MAN2B2: variants seen among roughly 807,000 people sequenced by gnomAD.
The protein encoded by MAN2B2 is epididymis-specific alpha-mannosidase.
Under a neutral mutation model 117.1 loss-of-function variants are expected in MAN2B2, and 106 were observed. The ratio of observed to expected loss-of-function variants is 0.90; its 90% CI spans 0.77 to 1.06. MAN2B2 has a LOEUF of 1.06. Among genes scored for constraint, MAN2B2 ranks in the 50% least tolerant of loss-of-function variants. The pLI, the probability that MAN2B2 is intolerant of heterozygous loss-of-function variation, is 0.00. For missense variants in MAN2B2, 1,326 were observed against 1,381.4 expected (o/e 0.96, Z 0.64); for synonymous variants, 544 against 595.1 (o/e 0.91, Z 1.25).
intron 3 of MAN2B2, among the ~76,000 whole-genome samples, chr4:6,581,242 G>A (rs1035423655): frequency 2.6e-5 from 4 of 152,106 alleles, no homozygotes; most frequent in African/African-American, 9.7e-5. Context: ...AAGGTTACTT[G>A]TGGCTGAGCC....
intron 3 of MAN2B2, among the ~76,000 whole-genome samples, chr4:6,582,594 C>T (rs1726479045): frequency 6.6e-6 from 1 of 151,932 alleles, no homozygotes; most frequent in Admixed American, 6.6e-5. Flanking sequence ...CCCACCTTGG[C>T]CTCCCAAAAT....
At chr4:6,593,150 C>A in intron 5 of MAN2B2, 23 bp from the exon 6 acceptor site, 1 of 1,610,938 alleles carries the variant, frequency 6.2e-7, no homozygotes, top group Non-Finnish European at 8.5e-7. Context: ...TGTCTTCTGC[C>A]CTAACCTTCT....
In MAN2B2 at chr4:6,621,518, CCTCTT is replaced by C; in HGVS notation, c.*236_*240del. The C allele has an allele frequency of 2.0e-6, 1 of 493,788 alleles. No individual in the cohort carries two copies. The highest frequency in any genetic ancestry group is 3.6e-6 in the Non-Finnish European group (1 of 275,758). 30.6% of individuals were successfully genotyped at this position (493,788 alleles called of 1,614,324 possible). On this transcript the variant is annotated 3_prime_UTR_variant, in exon 19 of 19. Transcript: ENST00000285599. ...CCACACTCAATCAAGCCAGCCCTCT[CCTCTT>C]CTGTCACGTAAAGGATATTTGGCAC... is the stretch of plus-strand genomic sequence containing the variant.
intron 9 of MAN2B2, among the ~76,000 whole-genome samples, chr4:6,600,070 A>T (rs945843036): frequency 1.3e-5 from 2 of 152,242 alleles, no homozygotes; most frequent in Non-Finnish European, 2.9e-5. Context: ...TGCTGGGTTC[A>T]GGGATCCAGG....
In MAN2B2 at chr4:6,609,174, CAG is replaced by C. The variant is rs1164802972; in HGVS notation, c.1883_1884del (p.Gln628ArgfsTer6). On this transcript the variant is annotated frameshift_variant, in exon 12 of 19. Transcript: ENST00000285599. LOFTEE classifies it high-confidence loss of function. Reference protein sequence around the residue: ...LEYHVNGDVKQGPISDNYLFT... With the variant: ...LEYHVNGDVKXGPISDNYLFT... ...GTACCACGTCAACGGGGATGTGAAA[CAG>C]GGCCCCATTTCCGATAACTACCTGT... 1 of 1,614,226 alleles carries C rather than the reference CAG, an allele frequency of 6.2e-7. No individual in the cohort carries two copies. Among genetic ancestry groups the C allele is most frequent in the Non-Finnish European group, 8.5e-7 (1 of 1,180,034 alleles).
At chr4:6,599,642 G>A (rs918222809) in intron 9 of MAN2B2, among the ~76,000 whole-genome samples, 5 of 145,148 alleles carry the variant, frequency 3.4e-5, no homozygotes, top group Admixed American at 7.0e-5. Flanking sequence ...CAGCCTGGGC[G>A]ACAGAGCGAG....
At chr4:6,576,453 G>T (rs1018704657) in intron 1 of MAN2B2, 125 bp from the exon 2 acceptor site, 1 of 1,122,116 alleles carries the variant, frequency 8.9e-7, no homozygotes, top group Non-Finnish European at 1.3e-6. Flanking sequence ...TGTGTGGGGG[G>T]TGAGCAGCAG....
intron 3 of MAN2B2, among the ~76,000 whole-genome samples, chr4:6,586,411 C>G (rs1395900014): frequency 6.6e-6 from 1 of 152,136 alleles, no homozygotes; most frequent in Non-Finnish European, 1.5e-5. Flanking sequence ...CACCTTTAAC[C>G]TTTTATTGTT....
chr4:6,600,732 G>A lies in MAN2B2; in HGVS notation c.1515G>A (p.Glu505=), dbSNP rs746190049. 2.5e-6 allele frequency: 4 copies of A among 1,613,644 alleles called. No homozygotes were observed. Among genetic ancestry groups the A allele is most frequent in the Admixed American group, 1.7e-5 (1 of 59,998 alleles). ...VGFPGVRVTD[E]AGHPVPSQIQ... The stretch of plus-strand genomic sequence containing the variant: ...TCCCTGGAGTCCGCGTCACAGATGA[G>A]GCGGGCCACCCAGTGCCCTCGCAGG... Residue 505 remains glutamate, a synonymous_variant, in exon 10 of 19, where the codon GAG becomes GAA. Transcript: ENST00000285599.
chr4:6,587,750 G>T lies in MAN2B2; in HGVS notation c.564+582G>T, dbSNP rs201446442. ...GTTTTTTGGGGTCTTTTGGGTTGTTGTTTTTTTTTTTTTTTTTTTTTTGAG... is the reference window on the plus strand; with the variant it reads ...GTTTTTTGGGGTCTTTTGGGTTGTTTTTTTTTTTTTTTTTTTTTTTTTGAG... On this transcript the variant is annotated intron_variant, in intron 4 of 18. Coordinates refer to ENST00000285599, the MANE Select transcript of MAN2B2 (RefSeq NM_015274.3). Among the ~76,000 whole-genome samples, 553 of 113,448 alleles carry T rather than the reference G, an allele frequency of 4.9e-3. 5 individuals are homozygous for T. Among genetic ancestry groups the T allele is most frequent in the East Asian group, 0.036 (151 of 4,168 alleles). 74.4% of individuals were successfully genotyped at this position (113,448 alleles called of 152,430 possible). A position where few individuals can be genotyped will look rare whatever the true frequency, so the allele number is the denominator to read the frequency against.
chr4:6,582,125 A>T (rs1726452990), intron 3 of MAN2B2, among the ~76,000 whole-genome samples: 1 of 151,970 alleles, frequency 6.6e-6, no homozygotes, highest in African/African-American at 2.4e-5. Context: ...CTGAGAGGCA[A>T]AGGGTCCAGG....
chr4:6,591,214 C>T (rs994359704), intron 5 of MAN2B2, among the ~76,000 whole-genome samples: 11 of 152,062 alleles, frequency 7.2e-5, no homozygotes, highest in Non-Finnish European at 1.3e-4. Flanking sequence ...GGGAATAAAT[C>T]GCTCCTCATC....
intron 16 of MAN2B2, among the ~76,000 whole-genome samples, chr4:6,616,827 T>C (rs1321285857): frequency 2.0e-5 from 3 of 152,176 alleles, no homozygotes; most frequent in African/African-American, 7.2e-5. Flanking sequence ...GCTGTATGCC[T>C]TGGGCACGTG....
At chr4:6,620,996 G>A (rs1712144049) in intron 18 of MAN2B2, 192 bp from the exon 19 acceptor site, 2 of 553,978 alleles carry the variant, frequency 3.6e-6, no homozygotes, top group East Asian at 6.0e-5. Context: ...CACGGTGGGA[G>A]CCACAGCAGA....
At chr4:6,586,238 A>C (rs991170472) in intron 3 of MAN2B2, among the ~76,000 whole-genome samples, 1 of 151,872 alleles carries the variant, frequency 6.6e-6, no homozygotes, top group African/African-American at 2.4e-5. Context: ...TTTTGTGTGC[A>C]TGTGTAGAGA....
chr4:6,606,919 T>G (rs922848291), intron 11 of MAN2B2, among the ~76,000 whole-genome samples: 1 of 152,218 alleles, frequency 6.6e-6, no homozygotes, highest in African/African-American at 2.4e-5. Context: ...CTGTTCCTTA[T>G]GTAACAGCTT....
chr4:6,591,865 A>G (rs999008181), intron 5 of MAN2B2, among the ~76,000 whole-genome samples: 3 of 152,158 alleles, frequency 2.0e-5, no homozygotes, highest in African/African-American at 7.2e-5. Context: ...ACCATGAGCC[A>G]GGCCCTGTTC....
chr4:6,579,356 C>T (rs1272292032), intron 3 of MAN2B2, among the ~76,000 whole-genome samples: 1 of 119,828 alleles, frequency 8.3e-6, no homozygotes, highest in African/African-American at 3.2e-5. Flanking sequence ...CCATCACCAC[C>T]ACCATCACCA....
chr4:6,595,317 T>C (rs1248303030), intron 7 of MAN2B2, among the ~76,000 whole-genome samples: 1 of 152,128 alleles, frequency 6.6e-6, no homozygotes, highest in Non-Finnish European at 1.5e-5. Context: ...ATAGATAGGG[T>C]TGCTGTGAAA....
Sources: gnomAD v4.1 joint callset for allele counts (sites outside exome capture counted in the v4.1 genomes callset) on GRCh38, gnomAD v4.1.1 for gene constraint, MANE v1.5 for transcripts, NCBI Gene and HGNC (gene_info 2026-07-23, HGNC 2026-07-21) for gene names.